The following SNX25 variants were observed in gnomAD, a reference collection of about 807,000 sequenced individuals.
The protein encoded by SNX25 is sorting nexin-25.
In SNX25, 62 loss-of-function variants were observed where a neutral mutation model predicts 113.7. The observed-to-expected ratio is 0.55, with a 90% CI of 0.44 to 0.67. SNX25 has a LOEUF of 0.67. Among genes scored for constraint, SNX25 ranks in the 30% least tolerant of loss-of-function variants. The pLI is 0.00. For synonymous variants in SNX25, 421 were observed against 436.2 expected (o/e 0.97, Z 0.43); for missense variants, 1,014 against 1,161.0 (o/e 0.87, Z 1.84).
At position 185,342,135 on chromosome 4, in the gene SNX25, G is replaced by T; in HGVS notation, c.2187+19G>T. The T allele has an allele frequency of 1.3e-6, 2 of 1,534,650 alleles. No individual in the cohort carries two copies. The highest frequency in any genetic ancestry group is 2.4e-5 in the East Asian group (1 of 41,858). On this transcript the variant is annotated intron_variant, in intron 12 of 18. Coordinates refer to ENST00000652585, the MANE Select transcript of SNX25 (RefSeq NM_001378034.2). The stretch of plus-strand genomic sequence containing the variant: ...CAGTGAGGTATGAATACTCATGAAC[G>T]CAGTATTCTAGAATTACTGCACAAG...
At chr4:185,259,104 T>C (rs1746868949) in intron 3 of SNX25, 40 bp downstream of exon 3, 1 of 1,523,134 alleles carries the variant, frequency 6.6e-7, no homozygotes, top group African/African-American at 1.4e-5. Context: ...TTTGCATTAA[T>C]TTTTTTTAAT....
At chr4:185,375,822 A>G in the SNX25 span, 1 of 624,938 alleles carries the variant, frequency 1.6e-6, no homozygotes, top group East Asian at 3.3e-5. Flanking sequence ...CAAGTTAAAC[A>G]CACAGTTAAC....
intron 1 of SNX25, among the ~76,000 whole-genome samples, chr4:185,246,061 T>C (rs560544360): frequency 1.3e-5 from 2 of 151,976 alleles, no homozygotes; most frequent in South Asian, 4.2e-4. Context: ...CCGAGGCAGG[T>C]GATCACATGA....
chr4:185,253,491 C>T (rs1427917482), intron 2 of SNX25, among the ~76,000 whole-genome samples: 12 of 149,694 alleles, frequency 8.0e-5, no homozygotes, highest in African/African-American at 1.7e-4. Flanking sequence ...TTTTTGAGAC[C>T]GAGTCTTACT....
At chr4:185,221,288 C>T (rs916080046) in intron 1 of SNX25, among the ~76,000 whole-genome samples, 3 of 152,114 alleles carry the variant, frequency 2.0e-5, no homozygotes, top group Non-Finnish European at 4.4e-5. Flanking sequence ...CTGCTTTGGC[C>T]TCCCAAAGTG....
chr4:185,298,711 G>T lies in SNX25; in HGVS notation c.1162+10629G>T, dbSNP rs118077363. ...TGATTCCTTGTGCCTTGTATTCTTT[G>T]CACATTCTGTTTCTTCTTCTTGAAG... is the stretch of plus-strand genomic sequence containing the variant. On this transcript the variant is annotated intron_variant, in intron 6 of 18. Transcript: ENST00000652585. Among the ~76,000 whole-genome samples, 309 of 152,100 alleles carry T rather than the reference G, an allele frequency of 2.0e-3. 15 individuals carry two copies. In the East Asian group the frequency reaches 0.052, roughly 25 times the overall value.
chr4:185,214,103 A>G (rs1471933035), intron 1 of SNX25, among the ~76,000 whole-genome samples: 1 of 152,000 alleles, frequency 6.6e-6, no homozygotes, highest in Non-Finnish European at 1.5e-5. Flanking sequence ...AAATGCAAAT[A>G]TAGCCTGTTA....
chr4:185,298,466 G>A (rs1326829284), intron 6 of SNX25, among the ~76,000 whole-genome samples: 1 of 151,970 alleles, frequency 6.6e-6, no homozygotes, highest in Non-Finnish European at 1.5e-5. Flanking sequence ...TCATACTGAA[G>A]TCATGTGATT....
chr4:185,288,074 G>C lies in SNX25; in HGVS notation c.1154G>C (p.Arg385Thr), dbSNP rs1751594876. The stretch of plus-strand genomic sequence containing the variant: ...ATTAGCAGCTTTCCCCAACTGAAGA[G>C]GCACAAAGGTAAGAGCCAGGTTGTT... ...TTISSFPQLK[R>T]HKGKETAAMK... The change falls in exon 6 of 19, where the codon AGG becomes ACG. Residue 385 changes from arginine to threonine, a missense_variant. Transcript: ENST00000652585. 2.5e-6 allele frequency: 4 copies of C among 1,613,052 alleles called. No homozygotes were observed. Among genetic ancestry groups the C allele is most frequent in the African/African-American group, 1.3e-5 (1 of 74,888 alleles).
chr4:185,377,057 A>G, the SNX25 span: 1 of 1,367,248 alleles, frequency 7.3e-7, no homozygotes, highest in East Asian at 2.3e-5. Flanking sequence ...CAACCACACA[A>G]TATGAATTTT....
chr4:185,253,235 T>C (rs1448388004), intron 2 of SNX25, among the ~76,000 whole-genome samples: 2 of 152,188 alleles, frequency 1.3e-5, no homozygotes, highest in East Asian at 3.8e-4. Flanking sequence ...CAATGTTAAA[T>C]TGAAAGTTCT....
chr4:185,376,713 G>A, the SNX25 span, among the ~76,000 whole-genome samples: 1 of 152,098 alleles, frequency 6.6e-6, no homozygotes, highest in Non-Finnish European at 1.5e-5. Context: ...TTCATGACAT[G>A]GATTTTATGA....
At chr4:185,244,194 T>TGTTA (rs1015353355) in intron 1 of SNX25, among the ~76,000 whole-genome samples, 1 of 152,208 alleles carries the variant, frequency 6.6e-6, no homozygotes, top group African/African-American at 2.4e-5. Context: ...GGTTTCACCA[T>TGTTA]GTTAGCCAGG....
intron 14 of SNX25, 67 bp downstream of exon 14, chr4:185,351,676 A>G (rs1375182042): frequency 2.0e-6 from 3 of 1,519,790 alleles, no homozygotes; most frequent in African/African-American, 2.8e-5. Context: ...CATGCTCCTC[A>G]TGGGGGGAAG....
At chr4:185,241,141 G>T (rs1318323950) in intron 1 of SNX25, among the ~76,000 whole-genome samples, 20 of 151,724 alleles carry the variant, frequency 1.3e-4, no homozygotes, top group Non-Finnish European at 1.3e-4. Context: ...GGGAGGTGGA[G>T]GTTGTAGCGA....
chr4:185,344,313 T>C (rs913757068), intron 12 of SNX25, among the ~76,000 whole-genome samples: 1 of 152,042 alleles, frequency 6.6e-6, no homozygotes, highest in Non-Finnish European at 1.5e-5. Flanking sequence ...AGGCAGCAGG[T>C]CTAGGGAGTG....
intron 5 of SNX25, among the ~76,000 whole-genome samples, chr4:185,282,751 T>C (rs1232228863): frequency 2.0e-5 from 3 of 152,198 alleles, no homozygotes; most frequent in African/African-American, 7.2e-5. Flanking sequence ...TACTTGACTT[T>C]ACATTATCAT....
intron 12 of SNX25, among the ~76,000 whole-genome samples, chr4:185,342,646 G>C (rs1579860862): frequency 1.3e-5 from 2 of 151,124 alleles, no homozygotes; most frequent in Non-Finnish European, 2.9e-5. Context: ...AAGGCGCGGT[G>C]CTTGGAGGAT....
At chr4:185,213,456 T>C (rs1738261319) in intron 1 of SNX25, among the ~76,000 whole-genome samples, 1 of 152,232 alleles carries the variant, frequency 6.6e-6, no homozygotes, top group Admixed American at 6.5e-5. Flanking sequence ...TGACAGATGA[T>C]ATCTGGATCC....
Sources: gnomAD v4.1 joint callset for allele counts (sites outside exome capture counted in the v4.1 genomes callset) on GRCh38, gnomAD v4.1.1 for gene constraint, MANE v1.5 for transcripts, NCBI Gene and HGNC (gene_info 2026-07-23, HGNC 2026-07-21) for gene names.